Variants in UNC13A observed in about 807,000 individuals in gnomAD.
The protein encoded by UNC13A is protein unc-13 homolog A.
Under a neutral mutation model 219.7 loss-of-function variants are expected in UNC13A, and 61 were observed. That is an observed-to-expected ratio of 0.28 (90% CI 0.23 to 0.34). The LOEUF is 0.34. UNC13A is among the 10% of genes least tolerant of loss of function. The pLI is 1.00. For missense variants in UNC13A, 1,476 were observed against 2,270.3 expected (o/e 0.65, Z 7.11); for synonymous variants, 920 against 884.6 (o/e 1.04, Z -0.71).
At chr19:17,625,633 C>G (rs1350052369) in intron 34 of UNC13A, among the ~76,000 whole-genome samples, 1 of 152,160 alleles carries the variant, frequency 6.6e-6, no homozygotes, top group Non-Finnish European at 1.5e-5. Flanking sequence ...ATTCATCCAT[C>G]TGTCCATCCA....
chr19:17,620,652 G>C, intron 38 of UNC13A, 41 bp downstream of exon 38: 1 of 1,595,804 alleles, frequency 6.3e-7, no homozygotes, highest in Non-Finnish European at 8.5e-7. Context: ...GTGGGGGGGA[G>C]TGGGATGGGA....
intron 4 of UNC13A, 128 bp from the exon 5 acceptor site, chr19:17,669,804 T>A: frequency 9.1e-7 from 1 of 1,100,730 alleles, no homozygotes; most frequent in Non-Finnish European, 1.2e-6. Context: ...CCTCTCTATC[T>A]TTCCTTCCGT....
intron 4 of UNC13A, among the ~76,000 whole-genome samples, chr19:17,670,062 TCAGCTTCCCGAGTAGCTGGGACTA>T (rs1165120692): frequency 8.0e-5 from 12 of 150,802 alleles, no homozygotes; most frequent in African/African-American, 2.9e-4. Flanking sequence ...TTCTCCTGCC[TCAGCTTCCCGAGTAGCTGGGACTA>T]CAGGCACCCG....
intron 12 of UNC13A, among the ~76,000 whole-genome samples, chr19:17,650,390 T>G (rs2079322066): frequency 6.6e-6 from 1 of 151,988 alleles, no homozygotes; most frequent in African/African-American, 2.4e-5. Context: ...AGTGCATGCC[T>G]GTAGTCCCAG....
At position 17,618,978 on chromosome 19, in the gene UNC13A, T is replaced by G. The variant is rs56257446; in HGVS notation, c.4273-16A>C. 0.34 allele frequency: 549,831 copies of G among 1,612,660 alleles called. 98,245 individuals are homozygous for G. Among genetic ancestry groups the G allele is most frequent in the Middle Eastern group, 0.37 (2,264 of 6,062 alleles). The stretch of plus-strand genomic sequence containing the variant: ...TCTGGGTTCCCTGCAGGTAACAACA[T>G]ACAGCTGGGTGAGGGCAGGGGTGCT... On this transcript the variant is annotated splice_polypyrimidine_tract_variant and intron_variant, in intron 38 of 43. Coordinates refer to ENST00000519716, the MANE Select transcript of UNC13A (RefSeq NM_001080421.3).
chr19:17,623,313 C>T (rs1356225654), intron 36 of UNC13A: 1 of 485,718 alleles, frequency 2.1e-6, no homozygotes, highest in Non-Finnish European at 3.6e-6. Context: ...AGTGGGGCTC[C>T]TCTGGACTTC....
intron 34 of UNC13A, among the ~76,000 whole-genome samples, chr19:17,625,281 G>A (rs1248701422): frequency 6.6e-6 from 1 of 152,110 alleles, no homozygotes; most frequent in Non-Finnish European, 1.5e-5. Flanking sequence ...GAACAGTGTG[G>A]GGGATGAACC....
intron 33 of UNC13A, 112 bp from the exon 34 acceptor site, chr19:17,626,897 C>A (rs972494883): frequency 1.5e-5 from 21 of 1,420,688 alleles, no homozygotes; most frequent in Non-Finnish European, 2.0e-5. Context: ...CATAACCGAG[C>A]AAGAATGGAG....
At chr19:17,626,875 T>G (rs777616207) in intron 33 of UNC13A, 90 bp from the exon 34 acceptor site, 1 of 1,484,028 alleles carries the variant, frequency 6.7e-7, no homozygotes, top group Non-Finnish European at 9.0e-7. Context: ...TCATATCATT[T>G]GCATCACAGC....
Position 17,658,008 on chromosome 19 carries a change from C to T in UNC13A, c.767+54G>A. ...CTGTCCAGCCCCGTACCCCTCTCTC[C>T]ACTCCAGGAGACACAGCAGGACCCA... On this transcript the variant is annotated intron_variant, in intron 9 of 43. Transcript: ENST00000519716. 7 of 1,572,836 alleles carry T rather than the reference C, an allele frequency of 4.5e-6. No individual in the cohort carries two copies. The South Asian group carries it at 6.9e-5, about 16-fold the overall frequency.
At chr19:17,641,607 G>A (rs2076971000) in intron 20 of UNC13A, 51 bp from the exon 21 acceptor site, 3 of 1,585,422 alleles carry the variant, frequency 1.9e-6, no homozygotes, top group Non-Finnish European at 2.6e-6. Flanking sequence ...GGTCGCCGGG[G>A]GTCAGAGGTC....
intron 41 of UNC13A, among the ~76,000 whole-genome samples, chr19:17,613,461 G>C (rs2076625856): frequency 6.6e-6 from 1 of 152,058 alleles, no homozygotes; most frequent in Non-Finnish European, 1.5e-5. Flanking sequence ...CTCACTCTGA[G>C]ATAATCAAAG....
At chr19:17,611,711 T>A in intron 42 of UNC13A, 52 bp downstream of exon 42, 2 of 1,525,814 alleles carry the variant, frequency 1.3e-6, no homozygotes, top group Non-Finnish European at 1.8e-6. Flanking sequence ...CCAGTTTGAG[T>A]TTGGTTTCTG....
At chr19:17,650,342 C>T (rs1181761809) in intron 12 of UNC13A, among the ~76,000 whole-genome samples, 4 of 151,806 alleles carry the variant, frequency 2.6e-5, no homozygotes, top group South Asian at 2.1e-4. Flanking sequence ...GGTGAAACCC[C>T]GTCTCTACTA....
At chr19:17,619,511 T>C (rs1376798921) in intron 38 of UNC13A, among the ~76,000 whole-genome samples, 2 of 151,394 alleles carry the variant, frequency 1.3e-5, no homozygotes, top group Non-Finnish European at 1.5e-5. Flanking sequence ...TCATAGCTCA[T>C]TGCAGCCTCA....
chr19:17,634,434 G>A (rs1224199232), intron 26 of UNC13A, among the ~76,000 whole-genome samples: 1 of 151,990 alleles, frequency 6.6e-6, no homozygotes, highest in Non-Finnish European at 1.5e-5. Context: ...CACCACCCGG[G>A]CTCAAATGAT....
Position 17,655,307 on chromosome 19 carries a change from A to C in UNC13A, c.1359T>G (p.Arg453=), listed in dbSNP as rs374800399. 1.3e-6 allele frequency: 2 copies of C among 1,587,806 alleles called. No individual in the cohort carries two copies. The highest frequency in any genetic ancestry group is 1.7e-6 in the Non-Finnish European group (2 of 1,168,158). The change falls in exon 11 of 44, where the codon CGT becomes CGG. Residue 453 remains arginine, a synonymous_variant. Transcript: ENST00000519716. ...SMSRAKANWL[R]AFNKVRMQLQ... ...GCTGCATCCGCACCTTGTTGAAGGC[A>C]CGCAGCCAGTTGGCCTTGGCCCTGG...
chr19:17,655,834 C>T, intron 10 of UNC13A, 49 bp downstream of exon 10: 1 of 1,471,458 alleles, frequency 6.8e-7, no homozygotes, highest in Non-Finnish European at 9.0e-7. Context: ...CCCTGCTGAC[C>T]CTGTGACCTT....
Position 17,674,098 on chromosome 19 carries a change from G to A in UNC13A, c.152+559C>T, listed in dbSNP as rs1395928956. Among the ~76,000 whole-genome samples, 1 of 152,230 alleles carries A rather than the reference G, an allele frequency of 6.6e-6. No homozygotes were observed. Among genetic ancestry groups the A allele is most frequent in the Non-Finnish European group, 1.5e-5 (1 of 68,038 alleles). On this transcript the variant is annotated intron_variant, in intron 3 of 43. Coordinates refer to ENST00000519716, the MANE Select transcript of UNC13A (RefSeq NM_001080421.3). This position sits in a 1 kb window ranked among gnomAD's most constrained non-coding sequence, Gnocchi z 5.0. ...TTGTAGCTTGGAGGTAGTGGTCAGG[G>A]AGGGCTTCACTGAGGAGGTGACACA...
Sources: allele counts gnomAD v4.1 joint callset (sites outside exome capture counted in the v4.1 genomes callset), GRCh38; gene constraint gnomAD v4.1.1; non-coding constraint Gnocchi (gnomAD v3.1); transcripts MANE v1.5; gene names NCBI Gene and HGNC (gene_info 2026-07-23, HGNC 2026-07-21).